The following CDH12 variants were observed in gnomAD, a reference collection of about 807,000 sequenced individuals.
CDH12 encodes the protein cadherin-12.
CDH12 carries 41 observed loss-of-function variants against 74.1 expected under a neutral mutation model. That is an observed-to-expected ratio of 0.55 (90% CI 0.43 to 0.72). The LOEUF (loss-of-function observed/expected upper bound fraction) is 0.72, where lower values mean the gene tolerates loss of function less well. Ranked by LOEUF, CDH12 falls within the 30% of genes least tolerant of loss-of-function variation. The probability of loss-of-function intolerance (pLI) is 0.00; values close to 1 mark genes in which losing one functional copy is unlikely to be tolerated. For missense variants in CDH12, 945 were observed against 977.2 expected (o/e 0.97, Z 0.44); for synonymous variants, 399 against 355.0 (o/e 1.12, Z -1.39).
intron 6 of CDH12, among the ~76,000 whole-genome samples, chr5:21,920,475 A>C (rs1754298750): frequency 6.6e-6 from 1 of 151,982 alleles, no homozygotes; most frequent in African/African-American, 2.4e-5. Context: ...GGAGTTGAAC[A>C]ATGAGAATCC....
intron 1 of CDH12, among the ~76,000 whole-genome samples, chr5:22,748,307 G>C (rs1289952033): frequency 6.6e-6 from 1 of 151,984 alleles, no homozygotes; most frequent in Non-Finnish European, 1.5e-5. Context: ...ACATATAAAA[G>C]AACTTGATGG....
At chr5:21,880,616 C>CTTCTTTCTCTCT (rs1752257861) in intron 6 of CDH12, among the ~76,000 whole-genome samples, 7 of 50,866 alleles carry the variant, frequency 1.4e-4, no homozygotes, top group African/African-American at 5.3e-4. Flanking sequence ...TCCTTCCTTC[C>CTTCTTTCTCTCT]TTCTTTCTTT....
intron 3 of CDH12, among the ~76,000 whole-genome samples, chr5:22,346,328 T>G (rs1740110782): frequency 6.6e-6 from 1 of 152,200 alleles, no homozygotes; most frequent in Admixed American, 6.5e-5. Context: ...ATTTTTAGCA[T>G]TATTTACATA....
At chr5:22,144,146 C>A (rs1384921129) in intron 4 of CDH12, 3 of 152,140 alleles carry the variant, frequency 2.0e-5, no homozygotes, top group African/African-American at 7.2e-5. Context: ...TTTATCTACT[C>A]AAGTAAGTGC....
chr5:21,840,888 T>A (rs1749805771), intron 8 of CDH12, among the ~76,000 whole-genome samples: 2 of 152,084 alleles, frequency 1.3e-5, no homozygotes, highest in Admixed American at 1.3e-4. Flanking sequence ...ACGTTAGACC[T>A]AAAACCATAA....
intron 4 of CDH12, among the ~76,000 whole-genome samples, chr5:22,206,631 C>A (rs1580401134): frequency 9.6e-6 from 1 of 103,828 alleles, no homozygotes. Context: ...CTATATGTAC[C>A]AAAATATAAG....
At chr5:22,188,078 T>C (rs1206969545) in intron 4 of CDH12, among the ~76,000 whole-genome samples, 2 of 150,720 alleles carry the variant, frequency 1.3e-5, no homozygotes, top group East Asian at 4.0e-4. Context: ...TTTTGAAATT[T>C]GATTCCCAGC....
intron 3 of CDH12, among the ~76,000 whole-genome samples, chr5:22,244,741 AAAGAAAGAAAG>A (rs1391317383): frequency 2.7e-4 from 1 of 3,672 alleles, no homozygotes; most frequent in Non-Finnish European, 8.3e-4. Flanking sequence ...GAAAGAAAGA[AAAGAAAGAAAG>A]AAAGAAAGAA....
chr5:22,264,563 G>C (rs1405247561), intron 3 of CDH12, among the ~76,000 whole-genome samples: 1 of 152,086 alleles, frequency 6.6e-6, no homozygotes, highest in Non-Finnish European at 1.5e-5. Context: ...TATGAACCAA[G>C]GTGTGTGAGT....
At chr5:21,791,286 C>A (rs1746483321) in intron 10 of CDH12, among the ~76,000 whole-genome samples, 1 of 151,934 alleles carries the variant, frequency 6.6e-6, no homozygotes, top group Non-Finnish European at 1.5e-5. Context: ...TAAGAAAAGA[C>A]CATCAATGAA....
At chr5:22,436,916 A>G (rs766648682) in intron 2 of CDH12, among the ~76,000 whole-genome samples, 7 of 152,170 alleles carry the variant, frequency 4.6e-5, no homozygotes, top group Non-Finnish European at 1.0e-4. Flanking sequence ...TGCATGTACA[A>G]CTACAAGTAC....
At chr5:21,919,006 C>T (rs1327194707) in intron 6 of CDH12, among the ~76,000 whole-genome samples, 1 of 152,052 alleles carries the variant, frequency 6.6e-6, no homozygotes, top group Non-Finnish European at 1.5e-5. Flanking sequence ...TTGTTGCCTA[C>T]AAGTAATGCA....
intron 2 of CDH12, among the ~76,000 whole-genome samples, chr5:22,440,617 T>C (rs1171160025): frequency 1.3e-5 from 2 of 152,108 alleles, no homozygotes; most frequent in Middle Eastern, 6.3e-3. Context: ...TGCTCTAGGG[T>C]AGAACTGAAT....
At chr5:21,820,473 G>C (rs749742505) in intron 8 of CDH12, among the ~76,000 whole-genome samples, 1 of 151,964 alleles carries the variant, frequency 6.6e-6, no homozygotes, top group Non-Finnish European at 1.5e-5. Flanking sequence ...TACTTTTTGT[G>C]TGTGTTAAGT....
At chr5:22,426,057 G>C (rs368818798) in intron 2 of CDH12, among the ~76,000 whole-genome samples, 3 of 151,736 alleles carry the variant, frequency 2.0e-5, no homozygotes, top group African/African-American at 7.3e-5. Flanking sequence ...TGTGGTGGCG[G>C]GCGCCTGTAG....
At chr5:22,168,103 T>C (rs923048966) in intron 4 of CDH12, among the ~76,000 whole-genome samples, 11 of 152,290 alleles carry the variant, frequency 7.2e-5, no homozygotes, top group African/African-American at 2.4e-4. Flanking sequence ...TTTTTCTTTC[T>C]TTTCTCTTTG....
At chr5:22,506,128 G>C (rs571099772) in intron 1 of CDH12, among the ~76,000 whole-genome samples, 1 of 152,000 alleles carries the variant, frequency 6.6e-6, no homozygotes, top group Non-Finnish European at 1.5e-5. Context: ...CCACCGTTTC[G>C]TACTATAAAG....
chr5:22,552,763 A>G (rs1458152835), intron 1 of CDH12, among the ~76,000 whole-genome samples: 1 of 152,120 alleles, frequency 6.6e-6, no homozygotes, highest in Non-Finnish European at 1.5e-5. Flanking sequence ...TTATACAGGT[A>G]TGATGAGTTT....
At chr5:21,798,027 A>G (rs950548076) in intron 10 of CDH12, among the ~76,000 whole-genome samples, 3 of 151,974 alleles carry the variant, frequency 2.0e-5, no homozygotes, top group African/African-American at 7.2e-5. Context: ...TTACCTTTTA[A>G]TTATTTTTGT....
Sources: gnomAD v4.1 joint callset for allele counts (sites outside exome capture counted in the v4.1 genomes callset) on GRCh38, gnomAD v4.1.1 for gene constraint, MANE v1.5 for transcripts, NCBI Gene and HGNC (gene_info 2026-07-23, HGNC 2026-07-21) for gene names.